The following FAAH2 variants were observed in gnomAD, a reference collection of about 807,000 sequenced individuals.
FAAH2 encodes the protein fatty-acid amide hydrolase 2.
Under a neutral mutation model 36.9 loss-of-function variants are expected in FAAH2, and 60 were observed. The observed-to-expected ratio is 1.63, with a 90% CI of 1.32 to 2.02. The LOEUF (loss-of-function observed/expected upper bound fraction) is 2.02. FAAH2 is among the 30% of genes most tolerant of loss of function. The probability of loss-of-function intolerance (pLI) is 0.00; values close to 1 mark genes in which losing one functional copy is unlikely to be tolerated. For missense variants in FAAH2, 689 were observed against 397.5 expected (o/e 1.73, Z -6.23); for synonymous variants, 214 against 143.8 (o/e 1.49, Z -3.49).
the FAAH2 span, among the ~76,000 whole-genome samples, chrX:57,162,839 C>G: frequency 8.3e-4 from 94 of 112,828 alleles, no homozygotes; most frequent in Non-Finnish European, 1.6e-3. Context: ...ATTTGATTGT[C>G]TGAAGCCTTC....
chrX:57,322,988 C>T (rs955916085), intron 3 of FAAH2, among the ~76,000 whole-genome samples: 4 of 110,345 alleles, frequency 3.6e-5, no homozygotes, highest in African/African-American at 1.3e-4. Flanking sequence ...CCCCACTTTC[C>T]CCACCCCACA....
At chrX:57,275,867 A>G in the FAAH2 span, among the ~76,000 whole-genome samples, 5 of 112,130 alleles carry the variant, frequency 4.5e-5, no homozygotes, top group Non-Finnish European at 9.4e-5. Context: ...CAACAAGAAG[A>G]TCTAACTATC....
chrX:57,309,879 G>T (rs778115659), intron 2 of FAAH2, among the ~76,000 whole-genome samples: 1 of 111,634 alleles, frequency 9.0e-6, no homozygotes, highest in East Asian at 2.8e-4. Flanking sequence ...AAATAGTGGC[G>T]CAATGAACAT....
At chrX:57,479,597 G>A (rs905268068) in intron 10 of FAAH2, among the ~76,000 whole-genome samples, 5 of 111,334 alleles carry the variant, frequency 4.5e-5, no homozygotes, top group Non-Finnish European at 7.5e-5. Context: ...TCCAGTTTTT[G>A]CCTATTTAGT....
At chrX:57,241,150 G>T in the FAAH2 span, among the ~76,000 whole-genome samples, 1 of 112,010 alleles carries the variant, frequency 8.9e-6, no homozygotes, top group East Asian at 2.8e-4. Flanking sequence ...CTGCAGCTAT[G>T]ATTCTGGAGG....
At chrX:57,217,983 A>T in the FAAH2 span, among the ~76,000 whole-genome samples, 15 of 111,124 alleles carry the variant, frequency 1.3e-4, no homozygotes, top group Non-Finnish European at 2.6e-4. Flanking sequence ...GTTTTCCTTG[A>T]TTTGATTCTC....
At chrX:57,468,357 T>C (rs1192464022) in intron 10 of FAAH2, among the ~76,000 whole-genome samples, 1 of 111,366 alleles carries the variant, frequency 9.0e-6, no homozygotes, top group East Asian at 2.8e-4. Flanking sequence ...GAAAAAAGAT[T>C]AGATGAATGG....
At chrX:57,406,879 A>T (rs2055579589) in intron 7 of FAAH2, among the ~76,000 whole-genome samples, 1 of 112,595 alleles carries the variant, frequency 8.9e-6, no homozygotes, top group Non-Finnish European at 1.9e-5. Context: ...AACAACCACA[A>T]AGTGCACTTG....
At chrX:57,235,493 C>A in the FAAH2 span, among the ~76,000 whole-genome samples, 3 of 111,501 alleles carry the variant, frequency 2.7e-5, no homozygotes, top group East Asian at 8.5e-4. Context: ...TGTTAATGTT[C>A]ATTTTTATTG....
the FAAH2 span, among the ~76,000 whole-genome samples, chrX:57,260,703 A>G: frequency 8.9e-6 from 1 of 111,784 alleles, no homozygotes; most frequent in African/African-American, 3.2e-5. Context: ...AGAATTAGAA[A>G]TGAGTGAAAA....
intron 3 of FAAH2, among the ~76,000 whole-genome samples, chrX:57,322,770 T>C (rs192608855): frequency 1.4e-3 from 150 of 110,352 alleles, no homozygotes; most frequent in African/African-American, 4.7e-3. Flanking sequence ...AATATTCTTT[T>C]CTCAGCTTGG....
intron 8 of FAAH2, among the ~76,000 whole-genome samples, chrX:57,443,497 T>A (rs972071558): frequency 8.9e-6 from 1 of 112,180 alleles, no homozygotes; most frequent in Non-Finnish European, 1.9e-5. Flanking sequence ...GTTATTCTAG[T>A]TTACCATTCG....
the FAAH2 span, among the ~76,000 whole-genome samples, chrX:57,177,811 C>A: frequency 5.5e-5 from 6 of 108,809 alleles, no homozygotes; most frequent in Non-Finnish European, 1.1e-4. Context: ...AAGCTGCAGA[C>A]TTTTCCCACT....
At chrX:57,445,586 T>C (rs1367507620) in intron 8 of FAAH2, among the ~76,000 whole-genome samples, 3 of 111,848 alleles carry the variant, frequency 2.7e-5, no homozygotes, top group Non-Finnish European at 5.6e-5. Flanking sequence ...GACAGTCAAT[T>C]CCCTTCTCAC....
Position 57,447,015 on chromosome X carries a change from T to C in FAAH2, c.1204T>C (p.Ser402Pro). 1.7e-6 allele frequency: 2 copies of C among 1,203,287 alleles called. No homozygotes were observed. The highest frequency in any genetic ancestry group is 2.3e-6 in the Non-Finnish European group (2 of 888,762). ...WELIKWCLGL[S>P]VYTIPSIGLA... The stretch of plus-strand genomic sequence containing the variant: ...GTTGATCAAATGGTGCCTGGGTCTG[T>C]CAGTGTACACCATCCCTTCCATTGG... Residue 402 changes from serine (S) to proline (P), a missense_variant, in exon 9 of 11, where the codon TCA becomes CCA. Ser to Pro is a moderately conservative substitution (Grantham distance 74). Transcript: ENST00000374900.
chrX:57,311,260 A>T (rs1015761923), intron 3 of FAAH2, among the ~76,000 whole-genome samples: 35 of 112,550 alleles, frequency 3.1e-4, no homozygotes, highest in Non-Finnish European at 5.3e-4. Flanking sequence ...AACTTATGGG[A>T]TGTAGCTAAA....
At chrX:57,388,598 A>C (rs1181834034) in intron 7 of FAAH2, among the ~76,000 whole-genome samples, 1 of 111,418 alleles carries the variant, frequency 9.0e-6, no homozygotes, top group Non-Finnish European at 1.9e-5. Flanking sequence ...CTGATGAAAC[A>C]ATATTGATAT....
At chrX:57,321,512 A>G (rs1289345805) in intron 3 of FAAH2, among the ~76,000 whole-genome samples, 1 of 110,044 alleles carries the variant, frequency 9.1e-6, no homozygotes, top group African/African-American at 3.3e-5. Flanking sequence ...TAGTTTTCCA[A>G]TTGAAAACTA....
chrX:57,151,224 T>C, the FAAH2 span, among the ~76,000 whole-genome samples: 12 of 111,877 alleles, frequency 1.1e-4, no homozygotes. Context: ...TTGATGAATC[T>C]GACAATTATG....
Sources: gnomAD v4.1 joint callset for allele counts (sites outside exome capture counted in the v4.1 genomes callset) on GRCh38, gnomAD v4.1.1 for gene constraint, MANE v1.5 for transcripts, NCBI Gene and HGNC (gene_info 2026-07-23, HGNC 2026-07-21) for gene names.